GPC6: variants seen among roughly 807,000 people sequenced by gnomAD.
GPC6 encodes the protein glypican-6.
GPC6 carries 14 observed loss-of-function variants against 55.2 expected under a neutral mutation model. The ratio of observed to expected loss-of-function variants is 0.25; its 90% CI spans 0.17 to 0.40. The LOEUF is 0.40. GPC6 is among the 10% of genes least tolerant of loss of function. GPC6 has a pLI of 1.00. For missense variants in GPC6, 641 were observed against 708.5 expected (o/e 0.90, Z 1.08); for synonymous variants, 278 against 259.6 (o/e 1.07, Z -0.68).
chr13:93,242,153 T>C (rs746624288), intron 1 of GPC6, among the ~76,000 whole-genome samples: 3 of 152,180 alleles, frequency 2.0e-5, no homozygotes, highest in African/African-American at 7.2e-5. Context: ...TGGGTAAGAA[T>C]TGGCTGTGGC....
chr13:94,067,396 A>T (rs1206108592), intron 4 of GPC6, among the ~76,000 whole-genome samples: 1 of 152,146 alleles, frequency 6.6e-6, no homozygotes, highest in Non-Finnish European at 1.5e-5. Context: ...CCCATTCCAC[A>T]TCTGATATTC....
intron 1 of GPC6, among the ~76,000 whole-genome samples, chr13:93,276,495 AGTGT>A (rs71675979): frequency 1.6e-3 from 148 of 94,416 alleles, no homozygotes; most frequent in African/African-American, 6.1e-3. Flanking sequence ...AGAGAGAGAG[AGTGT>A]GTGTGTGTGT....
At chr13:93,283,501 G>A (rs553789262) in intron 1 of GPC6, among the ~76,000 whole-genome samples, 1 of 152,244 alleles carries the variant, frequency 6.6e-6, no homozygotes, top group East Asian at 1.9e-4. Flanking sequence ...ATGACCAACA[G>A]ATCTAAACTC....
At position 93,768,498 on chromosome 13, in the gene GPC6, C is replaced by T. The variant is rs200676749; in HGVS notation, c.320-61656C>T. Among the ~76,000 whole-genome samples the T allele has an allele frequency of 1.4e-4, 22 of 152,252 alleles. No homozygotes were observed. In the East Asian group the frequency reaches 1.5e-3, roughly 11 times the overall value. Reference sequence around the variant, plus strand: ...CCAGGTCCTAAAACTAACCCTGACACATACCGGCCACTCGGTAAATATGGG... The same window carrying T: ...CCAGGTCCTAAAACTAACCCTGACATATACCGGCCACTCGGTAAATATGGG... On this transcript the variant is annotated intron_variant, in intron 2 of 8. Coordinates refer to ENST00000377047, the MANE Select transcript of GPC6 (RefSeq NM_005708.5).
chr13:94,247,377 G>A (rs1891226809), intron 4 of GPC6, among the ~76,000 whole-genome samples: 1 of 151,848 alleles, frequency 6.6e-6, no homozygotes, highest in African/African-American at 2.4e-5. Flanking sequence ...AGTACTTCTG[G>A]GACTATGTTG....
At chr13:94,256,964 T>C (rs549939149) in intron 4 of GPC6, among the ~76,000 whole-genome samples, 1 of 152,362 alleles carries the variant, frequency 6.6e-6, no homozygotes, top group Admixed American at 6.5e-5. Flanking sequence ...TCATAGATTC[T>C]GTTGAGTCTG....
chr13:93,681,906 C>A (rs562399784), intron 2 of GPC6, among the ~76,000 whole-genome samples: 1 of 152,230 alleles, frequency 6.6e-6, no homozygotes, highest in Admixed American at 6.5e-5. Context: ...GTTATCCCTG[C>A]AAGATGCATT....
chr13:94,261,744 A>G (rs74581496), intron 4 of GPC6, among the ~76,000 whole-genome samples: 232 of 152,366 alleles, frequency 1.5e-3, no homozygotes, highest in African/African-American at 5.3e-3. Context: ...AATGTGAAGC[A>G]CAAGTCAGTA....
intron 1 of GPC6, among the ~76,000 whole-genome samples, chr13:93,425,453 G>T (rs967902848): frequency 2.6e-5 from 4 of 152,170 alleles, no homozygotes; most frequent in Non-Finnish European, 5.9e-5. Flanking sequence ...GGAGCTGGAA[G>T]CTGGCATCAG....
At chr13:94,100,882 T>C (rs1885832370) in intron 4 of GPC6, among the ~76,000 whole-genome samples, 1 of 152,258 alleles carries the variant, frequency 6.6e-6, no homozygotes, top group South Asian at 2.1e-4. Context: ...AGACCATTTA[T>C]GTTGATTCTC....
At chr13:93,731,449 G>C (rs112768824) in intron 2 of GPC6, among the ~76,000 whole-genome samples, 9 of 152,134 alleles carry the variant, frequency 5.9e-5, no homozygotes, top group Non-Finnish European at 8.8e-5. Context: ...GAACATTCCA[G>C]ACTGCTGGAA....
At chr13:94,034,509 G>A (rs912142659) in intron 4 of GPC6, among the ~76,000 whole-genome samples, 1 of 152,060 alleles carries the variant, frequency 6.6e-6, no homozygotes, top group Non-Finnish European at 1.5e-5. Context: ...ATTCACAGAA[G>A]CACAATTTCT....
intron 1 of GPC6, among the ~76,000 whole-genome samples, chr13:93,313,295 T>C (rs1879136089): frequency 6.6e-6 from 1 of 152,112 alleles, no homozygotes; most frequent in Non-Finnish European, 1.5e-5. Context: ...AGGTAAATTT[T>C]TTTTTTCCTT....
intron 7 of GPC6, among the ~76,000 whole-genome samples, chr13:94,386,844 T>C (rs1458196593): frequency 7.2e-5 from 11 of 152,204 alleles, no homozygotes; most frequent in Non-Finnish European, 1.5e-5. Context: ...ATCTAAGTGT[T>C]TAATCAGGCT....
intron 4 of GPC6, among the ~76,000 whole-genome samples, chr13:94,283,164 G>A (rs1306507132): frequency 1.3e-5 from 2 of 152,066 alleles, no homozygotes; most frequent in East Asian, 1.9e-4. Context: ...TTACAAATTG[G>A]TCCTTTCCTT....
intron 3 of GPC6, among the ~76,000 whole-genome samples, chr13:93,866,280 A>G (rs576477303): frequency 1.3e-5 from 2 of 151,888 alleles, no homozygotes; most frequent in South Asian, 4.1e-4. Context: ...ATACTACTGA[A>G]CAGGAAAAAG....
intron 1 of GPC6, among the ~76,000 whole-genome samples, chr13:93,497,698 A>G (rs1487857922): frequency 6.6e-6 from 1 of 152,276 alleles, no homozygotes; most frequent in African/African-American, 2.4e-5. Context: ...TCAAGTTAAA[A>G]TAGTTGAGAA....
intron 2 of GPC6, among the ~76,000 whole-genome samples, chr13:93,633,221 G>T (rs1393217709): frequency 6.6e-6 from 1 of 152,140 alleles, no homozygotes; most frequent in African/African-American, 2.4e-5. Flanking sequence ...ATAGAAGAAA[G>T]ACAGTCTTTT....
At chr13:93,340,323 C>T (rs1880209244) in intron 1 of GPC6, among the ~76,000 whole-genome samples, 1 of 152,004 alleles carries the variant, frequency 6.6e-6, no homozygotes, top group African/African-American at 2.4e-5. Flanking sequence ...CGTGAGCCAC[C>T]GTGCCCGGCC....
Sources: gnomAD v4.1 joint callset for allele counts (sites outside exome capture counted in the v4.1 genomes callset) on GRCh38, gnomAD v4.1.1 for gene constraint, MANE v1.5 for transcripts, NCBI Gene and HGNC (gene_info 2026-07-23, HGNC 2026-07-21) for gene names.